MSN: variants seen among roughly 807,000 people sequenced by gnomAD.
MSN encodes the protein moesin, also known as epididymis luminal protein 70.
MSN carries 2 observed loss-of-function variants against 48.0 expected under a neutral mutation model. The observed-to-expected ratio is 0.04, with a 90% CI of 0.02 to 0.13. The LOEUF is 0.13. Ranked by LOEUF, MSN falls within the 10% of genes least tolerant of loss-of-function variation. MSN has a pLI of 1.00. For synonymous variants in MSN, 146 were observed against 166.9 expected, an observed-to-expected ratio of 0.87 and a Z score of 0.97; for missense variants, 267 against 470.1, an observed-to-expected ratio of 0.57 and a Z score of 3.99.
At chrX:65,735,815 A>C (rs1208919611) in intron 8 of MSN, among the ~76,000 whole-genome samples, 2 of 112,238 alleles carry the variant, frequency 1.8e-5, no homozygotes, top group South Asian at 7.3e-4. Flanking sequence ...GGAGACGAAC[A>C]TAATAAATAA....
intron 1 of MSN, among the ~76,000 whole-genome samples, chrX:65,670,896 T>TTATA (rs57076717): frequency 7.1e-5 from 1 of 14,053 alleles, no homozygotes; most frequent in Non-Finnish European, 1.2e-4. Context: ...ATGATGACAG[T>TTATA]TATATATATA....
At chrX:65,591,639 C>G (rs1363772939) in intron 1 of MSN, among the ~76,000 whole-genome samples, 2 of 111,981 alleles carry the variant, frequency 1.8e-5, no homozygotes, top group Admixed American at 1.9e-4. Context: ...CTAACCATTA[C>G]CTGCAGGTCA....
At chrX:65,714,582 T>C (rs1241154261) in intron 1 of MSN, among the ~76,000 whole-genome samples, 3 of 112,217 alleles carry the variant, frequency 2.7e-5, no homozygotes, top group Middle Eastern at 4.2e-3. Context: ...GTAAATTTTT[T>C]ATATATGCTT....
At chrX:65,655,711 T>C (rs1048331761) in intron 1 of MSN, among the ~76,000 whole-genome samples, 1 of 112,878 alleles carries the variant, frequency 8.9e-6, no homozygotes, top group East Asian at 2.8e-4. Flanking sequence ...TTCTAATAGG[T>C]CTAATAGATC....
At chrX:65,620,607 C>T (rs2148360012) in intron 1 of MSN, among the ~76,000 whole-genome samples, 1 of 112,828 alleles carries the variant, frequency 8.9e-6, no homozygotes, top group South Asian at 3.6e-4. Flanking sequence ...CGCCCACTGT[C>T]TGGCACTCCC....
intron 1 of MSN, among the ~76,000 whole-genome samples, chrX:65,592,343 G>A (rs187445924): frequency 4.2e-4 from 45 of 108,079 alleles, no homozygotes; most frequent in African/African-American, 1.5e-3. Context: ...CTACAGGCAC[G>A]TGCCACCACA....
At chrX:65,673,021 A>G (rs933617046) in intron 1 of MSN, among the ~76,000 whole-genome samples, 6 of 111,477 alleles carry the variant, frequency 5.4e-5, no homozygotes, top group Non-Finnish European at 1.1e-4. Flanking sequence ...TGTTTCTCAC[A>G]TGGGAGTTGG....
intron 1 of MSN, among the ~76,000 whole-genome samples, chrX:65,639,656 G>A (rs987306268): frequency 9.0e-5 from 10 of 111,609 alleles, no homozygotes; most frequent in African/African-American, 3.3e-4. Flanking sequence ...TCCACCAAGG[G>A]AAACAGAGTG....
intron 1 of MSN, among the ~76,000 whole-genome samples, chrX:65,704,038 G>A (rs1309892339): frequency 8.9e-6 from 1 of 112,071 alleles, no homozygotes; most frequent in Non-Finnish European, 1.9e-5. Flanking sequence ...GAGGTTGCTG[G>A]AGTCTGTTCC....
chrX:65,677,310 C>G (rs1273321694), intron 1 of MSN, among the ~76,000 whole-genome samples: 1 of 112,228 alleles, frequency 8.9e-6, no homozygotes, highest in East Asian at 2.8e-4. Flanking sequence ...TTGCTATTTT[C>G]AAGGGTTTTA....
chrX:65,635,638 C>A (rs1446785156), intron 1 of MSN, among the ~76,000 whole-genome samples: 1 of 112,072 alleles, frequency 8.9e-6, no homozygotes, highest in South Asian at 3.7e-4. Flanking sequence ...TCTATCCCCT[C>A]CATTCAGTCT....
chrX:65,617,780 T>C (rs2070390342), intron 1 of MSN, among the ~76,000 whole-genome samples: 1 of 105,954 alleles, frequency 9.4e-6, no homozygotes, highest in African/African-American at 3.5e-5. Context: ...GCTTTTCTAG[T>C]TCTTTTAATT....
rs1400462696 is a variant in MSN, at chrX:65,737,376, A to T, written c.1251+38A>T. The T allele has an allele frequency of 3.4e-6, 4 of 1,174,922 alleles. No individual in the cohort carries two copies. The South Asian group carries it at 7.7e-5, about 23-fold the overall frequency. ...GGTGGGCTGGGATTATGGGAACTGA[A>T]CTTTCTTCCTTGTCTGCCTACTTAC... On this transcript the variant is annotated intron_variant, in intron 10 of 12. Coordinates refer to ENST00000360270, the MANE Select transcript of MSN (RefSeq NM_002444.3).
At chrX:65,739,291 T>G in intron 12 of MSN, 97 bp downstream of exon 12, 1 of 869,189 alleles carries the variant, frequency 1.2e-6, no homozygotes, top group Non-Finnish European at 1.6e-6. Flanking sequence ...TATAAGATCC[T>G]GTCCCAGTGT....
At chrX:65,697,128 G>A (rs1216507392) in intron 1 of MSN, among the ~76,000 whole-genome samples, 4 of 109,681 alleles carry the variant, frequency 3.6e-5, no homozygotes, top group Non-Finnish European at 5.7e-5. Flanking sequence ...TAAGGCCTAC[G>A]TGATAAACCT....
At chrX:65,663,894 T>C (rs1211859760), upstream of MSN, among the ~76,000 whole-genome samples, 1 of 108,870 alleles carries the variant, frequency 9.2e-6, no homozygotes, top group African/African-American at 3.3e-5. Flanking sequence ...CCGTCTCTAC[T>C]AAAAATACAA....
intron 1 of MSN, among the ~76,000 whole-genome samples, chrX:65,611,144 C>T (rs1014806301): frequency 1.1e-4 from 12 of 105,204 alleles, no homozygotes; most frequent in East Asian, 2.8e-4. Flanking sequence ...TTCCATCCTT[C>T]CTTTCTTTCT....
intron 1 of MSN, among the ~76,000 whole-genome samples, chrX:65,641,549 A>AGT (rs2070650462): frequency 1.5e-4 from 5 of 32,564 alleles, no homozygotes; most frequent in Admixed American, 6.2e-4. Context: ...AAAAAAGTGA[A>AGT]GTATATATAT....
chrX:65,651,310 T>G (rs2070739690), intron 1 of MSN, among the ~76,000 whole-genome samples: 1 of 92,128 alleles, frequency 1.1e-5, no homozygotes, highest in African/African-American at 4.3e-5. Flanking sequence ...AGAGTGAGAC[T>G]CTATCTAAAA....
Sources: allele counts gnomAD v4.1 joint callset (sites outside exome capture counted in the v4.1 genomes callset), GRCh38; gene constraint gnomAD v4.1.1; transcripts MANE v1.5; gene names NCBI Gene and HGNC (gene_info 2026-07-23, HGNC 2026-07-21).